The following PCLO variants were observed in gnomAD, a reference collection of about 807,000 sequenced individuals.
The protein encoded by PCLO is protein piccolo.
PCLO carries 82 observed loss-of-function variants against 427.5 expected under a neutral mutation model. The observed-to-expected ratio is 0.19, with a 90% CI of 0.16 to 0.23. The LOEUF (loss-of-function observed/expected upper bound fraction) is 0.23, where lower values mean the gene tolerates loss of function less well. Among genes scored for constraint, PCLO ranks in the 10% least tolerant of loss-of-function variants. The probability of loss-of-function intolerance (pLI) is 1.00; values close to 1 mark genes in which losing one functional copy is unlikely to be tolerated. For missense variants in PCLO, 6,239 were observed against 6,115.9 expected (o/e 1.02, Z -0.67); for synonymous variants, 2,357 against 2,155.4 (o/e 1.09, Z -2.59).
chr7:83,098,166 T>C (rs1470678054), intron 3 of PCLO, among the ~76,000 whole-genome samples: 3 of 152,108 alleles, frequency 2.0e-5, no homozygotes, highest in African/African-American at 7.2e-5. Flanking sequence ...AGTCATGACT[T>C]TGAAGTGCTT....
chr7:82,901,396 C>G (rs1794035568), intron 9 of PCLO, among the ~76,000 whole-genome samples: 1 of 151,894 alleles, frequency 6.6e-6, no homozygotes, highest in Non-Finnish European at 1.5e-5. Flanking sequence ...AACTGGATCC[C>G]TTCCTTACAC....
At chr7:82,791,259 T>C (rs950241664) in intron 22 of PCLO, among the ~76,000 whole-genome samples, 6 of 147,382 alleles carry the variant, frequency 4.1e-5, no homozygotes, top group Non-Finnish European at 6.0e-5. Flanking sequence ...AGAATGAATA[T>C]AAATAATCAT....
At chr7:82,897,378 T>G (rs1793929333) in intron 9 of PCLO, among the ~76,000 whole-genome samples, 1 of 151,588 alleles carries the variant, frequency 6.6e-6, no homozygotes, top group Admixed American at 6.6e-5. Flanking sequence ...AAAGGATATA[T>G]TTTTAAAAAA....
chr7:82,863,515 C>T (rs979339462), intron 10 of PCLO, among the ~76,000 whole-genome samples: 1 of 151,758 alleles, frequency 6.6e-6, no homozygotes, highest in Non-Finnish European at 1.5e-5. Context: ...CCCTGAATTC[C>T]ATTTGAAAAG....
chr7:82,868,791 T>G (rs1465459251), intron 10 of PCLO, among the ~76,000 whole-genome samples: 1 of 152,220 alleles, frequency 6.6e-6, no homozygotes, highest in South Asian at 2.1e-4. Flanking sequence ...CAGATTTTAA[T>G]GTTATATTTC....
Position 82,915,388 on chromosome 7 carries a change from T to A in PCLO, c.12598A>T (p.Met4200Leu). The A allele has an allele frequency of 5.0e-6, 8 of 1,613,528 alleles. No homozygotes were observed. The highest frequency in any genetic ancestry group is 6.8e-6 in the Non-Finnish European group (8 of 1,179,686). The change falls in exon 7 of 25, where the codon ATG becomes TTG. Residue 4200 changes from methionine (M) to leucine (L), a missense_variant. Transcript: ENST00000333891. ...KHKKSLIDPK[M>L]SKFSPIQESR... ...TCTTGAATAGGTGAAAATTTTGACA[T>A]TTTAGGGTCAATTAGTGATTTCTTA...
At chr7:83,142,747 T>C (rs1241616405) in intron 2 of PCLO, among the ~76,000 whole-genome samples, 1 of 152,040 alleles carries the variant, frequency 6.6e-6, no homozygotes, top group Non-Finnish European at 1.5e-5. Flanking sequence ...TCACCTGAGG[T>C]CAGGAGTCCA....
chr7:82,811,842 G>T (rs981810731), intron 20 of PCLO, among the ~76,000 whole-genome samples: 1 of 151,254 alleles, frequency 6.6e-6, no homozygotes, highest in African/African-American at 2.4e-5. Flanking sequence ...TAAGTCGTTA[G>T]GCATGGAAGT....
intron 3 of PCLO, among the ~76,000 whole-genome samples, chr7:83,100,003 G>A (rs146900905): frequency 0.018 from 2,805 of 152,110 alleles, 91 homozygotes; most frequent in African/African-American, 0.063. Context: ...ATTAAATAAT[G>A]TTTGCTTAAT....
At chr7:82,789,135 C>A (rs1414681570) in intron 22 of PCLO, among the ~76,000 whole-genome samples, 1 of 151,924 alleles carries the variant, frequency 6.6e-6, no homozygotes, top group Non-Finnish European at 1.5e-5. Flanking sequence ...GACTGTTAAT[C>A]CATGTTCCTA....
chr7:83,114,696 TC>T (rs2116536988), intron 3 of PCLO, among the ~76,000 whole-genome samples: 1 of 152,234 alleles, frequency 6.6e-6, no homozygotes, highest in Non-Finnish European at 1.5e-5. Context: ...TTATTATTCA[TC>T]CATATGTATT....
intron 2 of PCLO, among the ~76,000 whole-genome samples, chr7:83,140,565 A>G (rs1441795058): frequency 6.6e-6 from 1 of 152,182 alleles, no homozygotes; most frequent in East Asian, 1.9e-4. Context: ...GTTCACAAAC[A>G]TTTTTTGAAC....
intron 22 of PCLO, among the ~76,000 whole-genome samples, chr7:82,779,124 A>C (rs1286662368): frequency 6.6e-6 from 1 of 152,074 alleles, no homozygotes; most frequent in Non-Finnish European, 1.5e-5. Context: ...TTTTTACTTT[A>C]TCATACAGAT....
chr7:83,054,793 T>C (rs1281223007), intron 3 of PCLO, among the ~76,000 whole-genome samples: 2 of 151,984 alleles, frequency 1.3e-5, no homozygotes, highest in African/African-American at 2.4e-5. Context: ...GAGGAGGAAT[T>C]TCCTCCTTGG....
At chr7:83,060,978 T>C (rs1313522624) in intron 3 of PCLO, among the ~76,000 whole-genome samples, 1 of 152,216 alleles carries the variant, frequency 6.6e-6, no homozygotes, top group Non-Finnish European at 1.5e-5. Flanking sequence ...TTAATTAATT[T>C]CCCAGAAGTC....
intron 9 of PCLO, among the ~76,000 whole-genome samples, chr7:82,886,316 C>T (rs190843049): frequency 1.3e-5 from 2 of 152,128 alleles, no homozygotes; most frequent in African/African-American, 4.8e-5. Context: ...AAGATTATTG[C>T]ATCTTTTAAT....
intron 3 of PCLO, among the ~76,000 whole-genome samples, chr7:83,058,445 C>G (rs970984824): frequency 2.6e-5 from 4 of 152,146 alleles, no homozygotes; most frequent in Admixed American, 6.5e-5. Context: ...AGGCACTTCT[C>G]TAACATACAG....
At chr7:83,031,671 CTAAA>C (rs1205650592) in intron 3 of PCLO, among the ~76,000 whole-genome samples, 1 of 151,810 alleles carries the variant, frequency 6.6e-6, no homozygotes, top group Non-Finnish European at 1.5e-5. Flanking sequence ...CACCAAGTAA[CTAAA>C]TAAGGAATGA....
intron 22 of PCLO, among the ~76,000 whole-genome samples, chr7:82,775,013 T>C (rs1356848763): frequency 6.6e-6 from 1 of 152,200 alleles, no homozygotes; most frequent in African/African-American, 2.4e-5. Context: ...TTTTAGATTT[T>C]TTTCATTTAG....
Sources: gnomAD v4.1 joint callset for allele counts (sites outside exome capture counted in the v4.1 genomes callset) on GRCh38, gnomAD v4.1.1 for gene constraint, MANE v1.5 for transcripts, NCBI Gene and HGNC (gene_info 2026-07-23, HGNC 2026-07-21) for gene names.